The following RNF213 variants were observed in gnomAD, a reference collection of about 807,000 sequenced individuals.
RNF213 encodes the protein E3 ubiquitin-protein ligase RNF213.
In RNF213, 341 loss-of-function variants were observed where a neutral mutation model predicts 514.4. The ratio of observed to expected loss-of-function variants is 0.66; its 90% CI spans 0.61 to 0.73. The LOEUF (loss-of-function observed/expected upper bound fraction) is 0.73. RNF213 is among the 30% of genes least tolerant of loss of function. The pLI is 0.00. For missense variants in RNF213, 5,767 were observed against 6,615.6 expected (o/e 0.87, Z 4.45); for synonymous variants, 2,655 against 2,658.2 (o/e 1.00, Z 0.04).
intron 42 of RNF213, 88 bp from the exon 43 acceptor site, chr17:80,367,659 GC>G: frequency 1.0e-6 from 1 of 964,420 alleles, no homozygotes; most frequent in Non-Finnish European, 1.7e-6. Flanking sequence ...CGCAGCCTTG[GC>G]CCTGAATGTG....
At chr17:80,373,879 T>G (rs2079626616) in intron 49 of RNF213, among the ~76,000 whole-genome samples, 1 of 152,016 alleles carries the variant, frequency 6.6e-6, no homozygotes, top group Non-Finnish European at 1.5e-5. Flanking sequence ...GGTGGGTGCT[T>G]GTAATCCCAG....
chr17:80,349,661 C>G (rs1255477740), intron 29 of RNF213, 109 bp from the exon 30 acceptor site: 2 of 1,225,020 alleles, frequency 1.6e-6, no homozygotes, highest in African/African-American at 1.5e-5. Flanking sequence ...TGTGTGGCAA[C>G]TGCACCGCGC....
rs1485770418 is a variant in RNF213, at chr17:80,347,093, T to G, written c.8758T>G (p.Ser2920Ala). The change falls in exon 29 of 68, where the codon TCA (serine) becomes GCA (alanine). Residue 2920 changes from serine (S) to alanine (A), a missense_variant. This residue lies in a region of RNF213 where 919 missense variants were observed against 1,121.0 expected (regional missense o/e 0.82). Coordinates refer to ENST00000582970, the MANE Select transcript of RNF213 (RefSeq NM_001256071.3). This position sits in a 1 kb window ranked among gnomAD's most constrained non-coding sequence, Gnocchi z 7.2. ...AGAGAGCGCCAAGGGCATCTGCTCCTCAGACATCCTCGTCCAGGACCGAGT... is the reference window on the plus strand; with the variant it reads ...AGAGAGCGCCAAGGGCATCTGCTCCGCAGACATCCTCGTCCAGGACCGAGT... Reference protein sequence around the residue: ...LIESAKGICSSDILVQDRVQG... With the variant: ...LIESAKGICSADILVQDRVQG... 6.2e-7 allele frequency: 1 copy of G among 1,614,058 alleles called. No homozygotes were observed. The highest frequency in any genetic ancestry group is 1.7e-5 in the Admixed American group (1 of 60,018).
intron 20 of RNF213, 107 bp downstream of exon 20, chr17:80,328,584 T>TA: frequency 4.9e-6 from 6 of 1,217,328 alleles, no homozygotes; most frequent in Non-Finnish European, 6.5e-6. Flanking sequence ...GAGAAGGCTT[T>TA]AAAATTTTTT....
intron 11 of RNF213, among the ~76,000 whole-genome samples, chr17:80,299,501 C>G (rs1598955111): frequency 6.6e-6 from 1 of 152,106 alleles, no homozygotes; most frequent in East Asian, 1.9e-4. Flanking sequence ...ATAATGACCT[C>G]TCCTTTATCA....
intron 16 of RNF213, among the ~76,000 whole-genome samples, chr17:80,318,546 G>C (rs558848337): frequency 1.2e-4 from 19 of 152,160 alleles, no homozygotes; most frequent in Non-Finnish European, 2.6e-4. Context: ...AGGAAAATTA[G>C]TTTTTATGTG....
In RNF213 at chr17:80,361,810, G is replaced by A. The variant is rs61741791; in HGVS notation, c.11277G>A (p.Pro3759=). 78,910 of 1,613,880 alleles carry A rather than the reference G, an allele frequency of 0.049. 2,175 individuals are homozygous for A. The highest frequency in any genetic ancestry group is 0.086 in the Middle Eastern group (518 of 6,058). ...GRFLAQLHGE[P]QQELLQCYLK... ...TTCTTGCCCAGCTCCATGGAGAGCC[G>A]CAGCAGGAACTTCTTCAGTGTTACT... The change falls in exon 39 of 68, where the codon CCG becomes CCA. Residue 3759 remains proline (P), a synonymous_variant. Transcript: ENST00000582970.
At chr17:80,378,468 T>C (rs1409552043) in intron 54 of RNF213, among the ~76,000 whole-genome samples, 1 of 152,118 alleles carries the variant, frequency 6.6e-6, no homozygotes, top group Non-Finnish European at 1.5e-5. Flanking sequence ...ATTACTTACT[T>C]GGTTGAGATA....
In RNF213 at chr17:80,385,717, C is replaced by A. The variant is rs936677717; in HGVS notation, c.14539+96C>A. ...TGACTCGGCCCATCCCTGTCAACAC[C>A]CAGCACTGTGTTTGTTTGTTTTTGA... On this transcript the variant is annotated intron_variant, in intron 61 of 67. Transcript: ENST00000582970. The A allele has an allele frequency of 3.9e-6, 4 of 1,018,844 alleles. No homozygotes were observed. In the African/African-American group the frequency reaches 6.4e-5, roughly 16 times the overall value. 63.1% of individuals were successfully genotyped at this position (1,018,844 alleles called of 1,614,324 possible). A position where few individuals can be genotyped will look rare whatever the true frequency, so the allele number is the denominator to read the frequency against.
rs541146727 is a variant in RNF213 at position 80,358,321 on chromosome 17, C to T, written c.10896C>T (p.Val3632=). The change falls in exon 37 of 68, where the codon GTC becomes GTT. Residue 3632 remains valine, a synonymous_variant. Transcript: ENST00000582970. The stretch of plus-strand genomic sequence containing the variant: ...TCTGGAAGCGGGTCCAAGGTGCTGT[C>T]ACCCCTCTGCTGGCGAGCATGATAT... ...HTLWKRVQGA[V]TPLLASMISF... is the part of the protein sequence containing the mutation. 1 of 1,614,130 alleles carries T rather than the reference C, an allele frequency of 6.2e-7. No homozygotes were observed. Among genetic ancestry groups the T allele is most frequent in the Admixed American group, 1.7e-5 (1 of 60,008 alleles).
intron 44 of RNF213, 136 bp downstream of exon 44, chr17:80,368,279 G>A: frequency 2.2e-6 from 2 of 889,896 alleles, no homozygotes; most frequent in South Asian, 1.4e-5. Flanking sequence ...CATAAGAGAC[G>A]CCACTTACGT....
chr17:80,350,252 AT>A (rs759063546), intron 30 of RNF213, 48 bp from the exon 31 acceptor site: 4 of 1,208,146 alleles, frequency 3.3e-6, no homozygotes, highest in Non-Finnish European at 3.7e-6. Flanking sequence ...TTTCTTTTCC[AT>A]TTTTTTAAGA....
In RNF213 at chr17:80,389,322, T is replaced by C. The variant is rs760444991; in HGVS notation, c.15150T>C (p.Thr5050=). 6 of 1,614,052 alleles carry C rather than the reference T, an allele frequency of 3.7e-6. No individual in the cohort carries two copies. The East Asian group carries it at 1.3e-4, about 36-fold the overall frequency. Residue 5050 remains threonine, a synonymous_variant, in exon 65 of 68, where the codon ACT becomes ACC. Coordinates refer to ENST00000582970, the MANE Select transcript of RNF213 (RefSeq NM_001256071.3). ...CAAACATGCAGCTGAATGTGTATAC[T>C]CAAGACATCCTGCAAATGGGTGATC... ...GDPNMQLNVY[T]QDILQMGDQT...
At chr17:80,277,073 C>CA (rs555166839) in intron 3 of RNF213, among the ~76,000 whole-genome samples, 2,509 of 148,670 alleles carry the variant, frequency 0.017, 49 homozygotes, top group African/African-American at 0.054. Flanking sequence ...AGCAAACAAA[C>CA]CAAAAAAAAA....
chr17:80,269,646 A>G lies in RNF213; in HGVS notation c.98-3595A>G, dbSNP rs534749651. 2.9e-4 allele frequency among the ~76,000 whole-genome samples: 43 copies of G among 150,820 alleles called. No homozygotes were observed. In the South Asian group the frequency reaches 3.5e-3, roughly 12 times the overall value. ...ATCCATTCATCTAGCTTATCTATCT[A>G]TTCATCCATCAATCTATCCATCCAT... On this transcript the variant is annotated intron_variant, in intron 2 of 67. Coordinates refer to ENST00000582970, the MANE Select transcript of RNF213 (RefSeq NM_001256071.3).
rs772993276 is a variant in RNF213, at chr17:80,345,766, A to G, written c.7431A>G (p.Gln2477=). 8.1e-6 allele frequency: 13 copies of G among 1,614,102 alleles called. No individual in the cohort carries two copies. Among genetic ancestry groups the G allele is most frequent in the Non-Finnish European group, 1.0e-5 (12 of 1,180,050 alleles). ...ATGTGGCCTTCGCCAATAAGGACCA[A>G]CATCAGTTGGACACCATCTTGTTTT... is the stretch of plus-strand genomic sequence containing the variant. ...AENVAFANKD[Q]HQLDTILFFD... Residue 2477 remains glutamine, a synonymous_variant, in exon 29 of 68, where the codon CAA becomes CAG. Transcript: ENST00000582970. The surrounding 1 kb of genome is among the most constrained non-coding windows in gnomAD (Gnocchi z 6.0).
intron 17 of RNF213, among the ~76,000 whole-genome samples, chr17:80,324,732 CA>C (rs576560662): frequency 4.1e-5 from 6 of 148,048 alleles, no homozygotes; most frequent in Admixed American, 6.7e-5. Flanking sequence ...TATGAAAGTC[CA>C]AAAAAAAATG....
Position 80,288,789 on chromosome 17 carries a change from G to A in RNF213, c.933+34G>A. The A allele has an allele frequency of 6.2e-7, 1 of 1,613,702 alleles. No individual in the cohort carries two copies. Among genetic ancestry groups the A allele is most frequent in the Non-Finnish European group, 8.5e-7 (1 of 1,180,024 alleles). ...CCTTCCTGCCTGCCGGCTCCAGGAG[G>A]CCCTCTCCTGCCCACGGCTGCGCCT... On this transcript the variant is annotated intron_variant, in intron 5 of 67. Transcript: ENST00000582970. The surrounding 1 kb of genome is among the most constrained non-coding windows in gnomAD (Gnocchi z 4.9).
At chr17:80,334,354 A>C in intron 22 of RNF213, 84 bp downstream of exon 22, 1 of 1,406,912 alleles carries the variant, frequency 7.1e-7, no homozygotes. Flanking sequence ...ACTCTTTGGC[A>C]ATACCTCCCC....
Sources: allele counts gnomAD v4.1 joint callset (sites outside exome capture counted in the v4.1 genomes callset), GRCh38; gene constraint gnomAD v4.1.1; regional missense constraint gnomAD v4.1.1; non-coding constraint Gnocchi (gnomAD v3.1); transcripts MANE v1.5; gene names NCBI Gene and HGNC (gene_info 2026-07-23, HGNC 2026-07-21).